Variants in STAM observed in about 807,000 individuals in gnomAD.
STAM encodes signal transducing adaptor molecule.
In STAM, 16 loss-of-function variants were observed where a neutral mutation model predicts 63.4. That is an observed-to-expected ratio of 0.25 (90% CI 0.17 to 0.38). The LOEUF (loss-of-function observed/expected upper bound fraction) is 0.38, where lower values mean the gene tolerates loss of function less well. Ranked by LOEUF, STAM falls within the 10% of genes least tolerant of loss-of-function variation. The probability of loss-of-function intolerance (pLI) is 1.00; values close to 1 mark genes in which losing one functional copy is unlikely to be tolerated. For synonymous variants in STAM, 238 were observed against 223.9 expected (o/e 1.06, Z -0.56); for missense variants, 636 against 657.1 (o/e 0.97, Z 0.35).
chr10:17,649,191 G>T (rs1299961743), intron 1 of STAM, among the ~76,000 whole-genome samples: 1 of 152,154 alleles, frequency 6.6e-6, no homozygotes, highest in African/African-American at 2.4e-5. Context: ...ATTCCTTGAG[G>T]CCAGGAATTG....
chr10:17,657,130 C>CA (rs1308183357), intron 1 of STAM, among the ~76,000 whole-genome samples: 1 of 152,144 alleles, frequency 6.6e-6, no homozygotes, highest in Admixed American at 6.5e-5. Flanking sequence ...TGCCTGGGCT[C>CA]ACTCACTCAG....
intron 2 of STAM, among the ~76,000 whole-genome samples, chr10:17,664,518 G>T (rs1834300161): frequency 6.6e-6 from 1 of 152,012 alleles, no homozygotes; most frequent in South Asian, 2.1e-4. Flanking sequence ...ATAGAAATCT[G>T]GTTTATGTTT....
chr10:17,706,902 A>C (rs1271219498), intron 12 of STAM, among the ~76,000 whole-genome samples: 1 of 152,368 alleles, frequency 6.6e-6, no homozygotes, highest in South Asian at 2.1e-4. Flanking sequence ...GCAGTGAAAA[A>C]AAAATGAGGT....
At chr10:17,679,572 TGC>T (rs1834996650) in intron 2 of STAM, among the ~76,000 whole-genome samples, 1 of 149,454 alleles carries the variant, frequency 6.7e-6, no homozygotes, top group African/African-American at 2.4e-5. Flanking sequence ...ATGTTTAATT[TGC>T]GTGTGTTTTT....
At position 17,696,854 on chromosome 10, in the gene STAM, G is replaced by A; in HGVS notation, c.808G>A (p.Ala270Thr). ...PSNFVTADLT[A>T]EPEMIKTEKK... ...TAATTTTGTGACTGCAGATCTCACT[G>A]CTGAACCAGAAATGAGTAAGTATTT... The change falls in exon 8 of 14, where the codon GCT becomes ACT. Residue 270 changes from alanine (A) to threonine (T), a missense_variant. Physicochemically the swap from Ala to Thr is moderately conservative, Grantham distance 58 (BLOSUM62 0). Around this residue, in one of 3 missense-constraint regions of STAM, gnomAD observed 532 missense variants for 536.9 expected, o/e 0.99. Transcript: ENST00000377524. 12 of 1,612,730 alleles carry A rather than the reference G, an allele frequency of 7.4e-6. No individual in the cohort carries two copies. The highest frequency in any genetic ancestry group is 9.3e-6 in the Non-Finnish European group (11 of 1,178,696).
intron 1 of STAM, among the ~76,000 whole-genome samples, chr10:17,647,988 T>TC (rs1487008860): frequency 6.6e-6 from 1 of 151,412 alleles, no homozygotes; most frequent in African/African-American, 2.4e-5. Context: ...ACCTGCTCAT[T>TC]CCTTCATCCT....
At chr10:17,714,460 G>A in intron 13 of STAM, 83 bp from the exon 14 acceptor site, 1 of 1,264,286 alleles carries the variant, frequency 7.9e-7, no homozygotes, top group Non-Finnish European at 1.2e-6. Context: ...ATGAATGAAT[G>A]CTTAGTAAAT....
intron 1 of STAM, among the ~76,000 whole-genome samples, chr10:17,649,710 A>G (rs1312459974): frequency 6.6e-6 from 1 of 152,218 alleles, no homozygotes; most frequent in Non-Finnish European, 1.5e-5. Flanking sequence ...ATCTGTCAGA[A>G]AACTGAAGTT....
chr10:17,670,105 G>A (rs1834575380), intron 2 of STAM, among the ~76,000 whole-genome samples: 1 of 151,984 alleles, frequency 6.6e-6, no homozygotes, highest in Admixed American at 6.6e-5. Context: ...ACTTTGAGGG[G>A]GAAATTGAGA....
At chr10:17,675,567 T>C (rs1834816920) in intron 2 of STAM, among the ~76,000 whole-genome samples, 1 of 152,160 alleles carries the variant, frequency 6.6e-6, no homozygotes, top group African/African-American at 2.4e-5. Context: ...TATTGTAGTT[T>C]ATATAAAGTT....
chr10:17,677,819 G>A (rs890433500), intron 2 of STAM, among the ~76,000 whole-genome samples: 14 of 152,062 alleles, frequency 9.2e-5, no homozygotes, highest in Admixed American at 6.6e-4. Context: ...TTAAAATCAG[G>A]AATCCTACCT....
intron 13 of STAM, among the ~76,000 whole-genome samples, chr10:17,710,982 T>C (rs1554830023): frequency 2.0e-5 from 3 of 152,176 alleles, no homozygotes; most frequent in East Asian, 3.8e-4. Flanking sequence ...GAGGAATTGC[T>C]GGTAGAGCAA....
intron 1 of STAM, among the ~76,000 whole-genome samples, chr10:17,657,027 A>T (rs2131575707): frequency 6.6e-6 from 1 of 152,190 alleles, no homozygotes; most frequent in South Asian, 2.1e-4. Flanking sequence ...TGTGTTTAGA[A>T]AGTTGTATGC....
intron 8 of STAM, among the ~76,000 whole-genome samples, chr10:17,698,394 C>G (rs930308009): frequency 4.0e-5 from 6 of 150,240 alleles, no homozygotes; most frequent in Admixed American, 1.3e-4. Context: ...GGTCAAGGAT[C>G]TCATGTAGAT....
chr10:17,695,318 C>G lies in STAM; in HGVS notation c.728+77C>G, dbSNP rs1024037803. On this transcript the variant is annotated intron_variant, in intron 7 of 13. Transcript: ENST00000377524. ...TGTTTCATATTATTCCTGTTGATTGCAGTTACCAAATACAATAATAAATAT... is the reference window on the plus strand; with the variant it reads ...TGTTTCATATTATTCCTGTTGATTGGAGTTACCAAATACAATAATAAATAT... 1.7e-5 allele frequency: 22 copies of G among 1,325,406 alleles called. No homozygotes were observed. In the Admixed American group the frequency reaches 4.3e-4, roughly 26 times the overall value. 82.1% of individuals were successfully genotyped at this position (1,325,406 alleles called of 1,614,324 possible).
At chr10:17,661,375 C>T (rs1451315174) in intron 2 of STAM, among the ~76,000 whole-genome samples, 1 of 152,164 alleles carries the variant, frequency 6.6e-6, no homozygotes, top group African/African-American at 2.4e-5. Flanking sequence ...TCTTCTTTGC[C>T]TCTTCTTCCT....
chr10:17,711,786 G>A (rs534040087), intron 13 of STAM, among the ~76,000 whole-genome samples: 2 of 152,296 alleles, frequency 1.3e-5, no homozygotes, highest in African/African-American at 2.4e-5. Context: ...TGCCAAGGTC[G>A]AAGAATGCTT....
At chr10:17,670,812 T>G (rs1328034027) in intron 2 of STAM, among the ~76,000 whole-genome samples, 3 of 133,654 alleles carry the variant, frequency 2.2e-5, no homozygotes, top group African/African-American at 8.3e-5. Flanking sequence ...AGCTTAACAT[T>G]AAGGGAATAA....
At chr10:17,667,126 T>C (rs61842291) in intron 2 of STAM, among the ~76,000 whole-genome samples, 2,903 of 38,570 alleles carry the variant, frequency 0.075, 31 homozygotes, top group South Asian at 0.13. Context: ...CAGAGTTAAA[T>C]AATTTTTTTT....
Sources: allele counts gnomAD v4.1 joint callset (sites outside exome capture counted in the v4.1 genomes callset), GRCh38; gene constraint gnomAD v4.1.1; regional missense constraint gnomAD v4.1.1; transcripts MANE v1.5; gene names NCBI Gene and HGNC (gene_info 2026-07-23, HGNC 2026-07-21).